PARD3B: variants seen among roughly 807,000 people sequenced by gnomAD.
PARD3B encodes partitioning defective 3 homolog B.
A neutral mutation model predicts 130.2 loss-of-function variants in PARD3B; 103 were observed. The ratio of observed to expected loss-of-function variants is 0.79; its 90% CI spans 0.67 to 0.93. PARD3B has a LOEUF of 0.93. PARD3B is among the 40% of genes least tolerant of loss of function. The pLI is 0.00. For missense variants in PARD3B, 1,609 were observed against 1,499.2 expected, an observed-to-expected ratio of 1.07 and a Z score of -1.21; for synonymous variants, 583 against 553.2, an observed-to-expected ratio of 1.05 and a Z score of -0.76.
At chr2:204,643,107 C>G (rs2035143035) in intron 1 of PARD3B, among the ~76,000 whole-genome samples, 1 of 11,032 alleles carries the variant, frequency 9.1e-5, no homozygotes, top group South Asian at 4.7e-3. Context: ...GAGGGAGACT[C>G]TGTCTCACAA....
chr2:205,567,481 A>ATTTTTTTTTTT (rs61638177), intron 22 of PARD3B, among the ~76,000 whole-genome samples: 2 of 113,484 alleles, frequency 1.8e-5, no homozygotes, highest in South Asian at 3.3e-4. Flanking sequence ...TGCCCGGTTA[A>ATTTTTTTTTTT]TTTTTTTTTT....
intron 7 of PARD3B, among the ~76,000 whole-genome samples, chr2:205,120,096 G>A (rs2030495739): frequency 6.6e-6 from 1 of 152,058 alleles, no homozygotes; most frequent in African/African-American, 2.4e-5. Flanking sequence ...GGAAAAGTGG[G>A]TACTGGCTGC....
intron 2 of PARD3B, among the ~76,000 whole-genome samples, chr2:204,850,675 C>A (rs975022653): frequency 1.3e-5 from 2 of 152,104 alleles, no homozygotes; most frequent in Admixed American, 1.3e-4. Context: ...AAGCCCCTGA[C>A]TCCTACTGGA....
chr2:205,161,045 C>T (rs907183071), intron 11 of PARD3B, among the ~76,000 whole-genome samples: 1 of 152,106 alleles, frequency 6.6e-6, no homozygotes, highest in African/African-American at 2.4e-5. Flanking sequence ...TTGTGGATAC[C>T]AGCTTGAAAT....
chr2:204,861,499 A>G (rs1029690089), intron 2 of PARD3B, among the ~76,000 whole-genome samples: 6 of 152,292 alleles, frequency 3.9e-5, no homozygotes, highest in African/African-American at 1.2e-4. Context: ...TATCTCAATT[A>G]TTCAGAAAAC....
intron 20 of PARD3B, among the ~76,000 whole-genome samples, chr2:205,498,759 C>A (rs985522614): frequency 1.3e-5 from 2 of 152,196 alleles, no homozygotes; most frequent in Non-Finnish European, 2.9e-5. Flanking sequence ...AGCTGTTGAG[C>A]ACCTTTGTAT....
rs1445415415 is a variant in PARD3B, at chr2:205,525,557, G to C, written c.3180+25526G>C. On this transcript the variant is annotated intron_variant, in intron 21 of 22. Transcript: ENST00000406610. This position sits in a 1 kb window ranked among gnomAD's most constrained non-coding sequence, Gnocchi z 4.2. The stretch of plus-strand genomic sequence containing the variant: ...AAACAAAGTTCCTGCTATAAACATA[G>C]GGGTATTGGTTGCATGACTTTATTA... 6.6e-6 allele frequency among the ~76,000 whole-genome samples: 1 copy of C among 152,170 alleles called. No individual in the cohort carries two copies. The highest frequency in any genetic ancestry group is 1.5e-5 in the Non-Finnish European group (1 of 68,030).
At chr2:204,590,274 G>T (rs911974993) in intron 1 of PARD3B, among the ~76,000 whole-genome samples, 4 of 152,000 alleles carry the variant, frequency 2.6e-5, no homozygotes, top group South Asian at 2.1e-4. Flanking sequence ...CATTATGAGG[G>T]CCCCATCCTT....
intron 22 of PARD3B, among the ~76,000 whole-genome samples, chr2:205,595,036 A>G (rs2054519077): frequency 6.6e-6 from 1 of 152,238 alleles, no homozygotes; most frequent in Non-Finnish European, 1.5e-5. Flanking sequence ...TTTAAAATTC[A>G]GTTTCCATCA....
intron 10 of PARD3B, among the ~76,000 whole-genome samples, chr2:205,145,922 A>G (rs1011846435): frequency 1.3e-5 from 2 of 151,536 alleles, no homozygotes; most frequent in Non-Finnish European, 2.9e-5. Flanking sequence ...TATATTAGAC[A>G]TTGGATTGAT....
chr2:205,198,224 A>G (rs766722621), intron 15 of PARD3B, among the ~76,000 whole-genome samples: 16 of 152,206 alleles, frequency 1.1e-4, no homozygotes, highest in East Asian at 1.9e-4. Flanking sequence ...AGGGTGTTCT[A>G]TAACACAGTT....
At chr2:205,371,979 A>G (rs1361676769) in intron 18 of PARD3B, among the ~76,000 whole-genome samples, 7 of 152,188 alleles carry the variant, frequency 4.6e-5, no homozygotes, top group Non-Finnish European at 1.0e-4. Flanking sequence ...TGTAACATGT[A>G]TCAGTACGTG....
At chr2:205,201,635 C>T (rs997848189) in intron 15 of PARD3B, among the ~76,000 whole-genome samples, 5 of 152,108 alleles carry the variant, frequency 3.3e-5, no homozygotes, top group African/African-American at 9.7e-5. Context: ...GTCGGGAGTT[C>T]GAGACCAGCC....
At chr2:205,303,483 G>A (rs2042084473) in intron 18 of PARD3B, among the ~76,000 whole-genome samples, 1 of 152,152 alleles carries the variant, frequency 6.6e-6, no homozygotes, top group Non-Finnish European at 1.5e-5. Flanking sequence ...GTGCCAGTTT[G>A]AGACAGCTCT....
rs921071657 is a variant in PARD3B, at chr2:204,689,244, A to G, written c.222+2962A>G. On this transcript the variant is annotated intron_variant, in intron 2 of 22. Coordinates refer to ENST00000406610, the MANE Select transcript of PARD3B (RefSeq NM_001302769.2). This position sits in a 1 kb window ranked among gnomAD's most constrained non-coding sequence, Gnocchi z 5.2. ...CTTACTTCTATTATTCCTTTGGCCA[A>G]CATAGTGCTTGGCGCATACATGGTA... Among the ~76,000 whole-genome samples the G allele has an allele frequency of 7.9e-5, 12 of 152,178 alleles. No individual in the cohort carries two copies. The highest frequency in any genetic ancestry group is 2.9e-4 in the African/African-American group (12 of 41,452).
At chr2:204,708,206 C>T (rs1368048274) in intron 2 of PARD3B, among the ~76,000 whole-genome samples, 1 of 152,038 alleles carries the variant, frequency 6.6e-6, no homozygotes, top group African/African-American at 2.4e-5. Flanking sequence ...GACAGAGTCT[C>T]ACCATGTTGC....
In PARD3B at chr2:204,982,098, G is replaced by C. The variant is rs550705121; in HGVS notation, c.394+16775G>C. 1.1e-4 allele frequency among the ~76,000 whole-genome samples: 16 copies of C among 152,184 alleles called. No individual in the cohort carries two copies. In the South Asian group the frequency reaches 3.3e-3, roughly 32 times the overall value. ...TGGTAAGTTGAGCCTGTCAGTGAAAGGGAGACTTTTATTTTTTATTTTTAT... is the reference window on the plus strand; with the variant it reads ...TGGTAAGTTGAGCCTGTCAGTGAAACGGAGACTTTTATTTTTTATTTTTAT... On this transcript the variant is annotated intron_variant, in intron 3 of 22. Transcript: ENST00000406610.
At chr2:205,433,262 G>A (rs1313708583) in intron 19 of PARD3B, among the ~76,000 whole-genome samples, 1 of 152,144 alleles carries the variant, frequency 6.6e-6, no homozygotes, top group African/African-American at 2.4e-5. Flanking sequence ...GCTGGGCACG[G>A]TGGCTCATGC....
At chr2:205,143,716 C>G (rs2125678734) in intron 10 of PARD3B, among the ~76,000 whole-genome samples, 1 of 152,270 alleles carries the variant, frequency 6.6e-6, no homozygotes, top group Non-Finnish European at 1.5e-5. Context: ...TGAACAATCC[C>G]CTTCAAGAAC....
Sources: gnomAD v4.1 joint callset for allele counts (sites outside exome capture counted in the v4.1 genomes callset) on GRCh38, gnomAD v4.1.1 for gene constraint, Gnocchi (gnomAD v3.1) non-coding constraint, MANE v1.5 for transcripts, NCBI Gene and HGNC (gene_info 2026-07-23, HGNC 2026-07-21) for gene names.